CLCNKB: variants seen among roughly 807,000 people sequenced by gnomAD.
CLCNKB encodes chloride voltage-gated channel Kb, also known as chloride channel protein ClC-Kb.
Under a neutral mutation model 83.8 loss-of-function variants are expected in CLCNKB, and 74 were observed. The observed-to-expected ratio is 0.88, with a 90% CI of 0.73 to 1.07. The LOEUF (loss-of-function observed/expected upper bound fraction) is 1.07, where lower values mean the gene tolerates loss of function less well. Ranked by LOEUF, CLCNKB falls within the 50% of genes least tolerant of loss-of-function variation. CLCNKB has a pLI of 0.00. For missense variants in CLCNKB, 798 were observed against 893.6 expected (o/e 0.89, Z 1.36); for synonymous variants, 358 against 356.6 (o/e 1.00, Z -0.04).
chr1:16,048,867 C>T (rs932723861), intron 7 of CLCNKB: 81 of 1,442,110 alleles, frequency 5.6e-5, no homozygotes, highest in Non-Finnish European at 6.3e-6. Context: ...TCCTCCTCTA[C>T]AAAATGGAGA....
Position 16,049,229 on chromosome 1 carries a change from C to G in CLCNKB, c.765C>G (p.Val255=), listed in dbSNP as rs761326447. ...CGAFMFRLLA[V]FNSEQETITS... ...CCTTCATGTTCCGGCTCCTGGCGGT[C>G]TTCAACAGCGAGCAGGGTGAGCCCC... Residue 255 remains valine, a synonymous_variant, in exon 8 of 20, where the codon GTC becomes GTG. Transcript: ENST00000375679. The G allele has an allele frequency of 8.7e-6, 14 of 1,613,862 alleles. No individual in the cohort carries two copies. The highest frequency in any genetic ancestry group is 1.1e-5 in the Non-Finnish European group (13 of 1,179,946).
At chr1:16,046,067 G>A (rs980497123) in intron 3 of CLCNKB, among the ~76,000 whole-genome samples, 8 of 152,186 alleles carry the variant, frequency 5.3e-5, no homozygotes, top group Non-Finnish European at 4.4e-5. Flanking sequence ...TCAGCAGCCT[G>A]CCTCCACCCT....
Position 16,051,704 on chromosome 1 carries a change from G to A in CLCNKB, c.1298-6G>A, listed in dbSNP as rs369329893. The stretch of plus-strand genomic sequence containing the variant: ...TGGCTCCCCCTCACCCTAAGTCTGT[G>A]GCCAGGAGCTGCTATCGGGCGCCTC... On this transcript the variant is annotated splice_polypyrimidine_tract_variant and splice_region_variant and intron_variant, in intron 13 of 19. Transcript: ENST00000375679. 3 of 1,613,176 alleles carry A rather than the reference G, an allele frequency of 1.9e-6. No homozygotes were observed. In the African/African-American group the frequency reaches 4.0e-5, roughly 22 times the overall value.
rs761448093 is a variant in CLCNKB at position 16,047,897 on chromosome 1, C to A, written c.359-8C>A. The A allele has an allele frequency of 2.5e-6, 4 of 1,613,398 alleles. 1 individual carries two copies. Among genetic ancestry groups the A allele is most frequent in the South Asian group, 1.1e-5 (1 of 91,044 alleles). On this transcript the variant is annotated splice_region_variant and splice_polypyrimidine_tract_variant and intron_variant, in intron 4 of 19. Coordinates refer to ENST00000375679, the MANE Select transcript of CLCNKB (RefSeq NM_000085.5). Reference sequence around the variant, plus strand: ...GTCCCCCTCCTGGCCCTGCCCACCCCCGCCAAGGTTCTGGAATCCCGGAGG... The same window carrying A: ...GTCCCCCTCCTGGCCCTGCCCACCCACGCCAAGGTTCTGGAATCCCGGAGG...
At chr1:16,046,055 C>T (rs1032656432) in intron 3 of CLCNKB, among the ~76,000 whole-genome samples, 1 of 152,234 alleles carries the variant, frequency 6.6e-6, no homozygotes, top group Admixed American at 6.5e-5. Flanking sequence ...CCACCCCATC[C>T]CTCAGCAGCC....
At chr1:16,054,967 C>G (rs1360311397) in intron 16 of CLCNKB, among the ~76,000 whole-genome samples, 1 of 152,204 alleles carries the variant, frequency 6.6e-6, no homozygotes, top group Non-Finnish European at 1.5e-5. Flanking sequence ...CATTGATGCC[C>G]CAGGGCCAGA....
At position 16,045,561 on chromosome 1, in the gene CLCNKB, GC is replaced by G; in HGVS notation, c.106del (p.Leu36TrpfsTer4). The G allele has an allele frequency of 1.2e-6, 2 of 1,613,606 alleles. No homozygotes were observed. The highest frequency in any genetic ancestry group is 1.7e-6 in the Non-Finnish European group (2 of 1,179,630). ...GTGACCCCATGCCCTGCCCCAGGTG[GC>G]CTGGAGTGGCTGAAGCAGAAGCTCT... is the stretch of plus-strand genomic sequence containing the variant. ...CPRIRRGIRG[G>X]LEWLKQKLFR... On this transcript the variant is annotated frameshift_variant, in exon 3 of 20. Transcript: ENST00000375679. LOFTEE classifies it high-confidence loss of function.
rs1283724661 is a variant in CLCNKB, at chr1:16,052,179, C to T, written c.1409-19C>T. The T allele has an allele frequency of 1.2e-6, 2 of 1,612,556 alleles. No homozygotes were observed. Among genetic ancestry groups the T allele is most frequent in the Non-Finnish European group, 1.7e-6 (2 of 1,179,856 alleles). Reference sequence around the variant, plus strand: ...CTGGCCCCTGGCCTGAGCTGCCCTGCCTGACTCTGCCCTTGCAGGGGCTGC... The same window carrying T: ...CTGGCCCCTGGCCTGAGCTGCCCTGTCTGACTCTGCCCTTGCAGGGGCTGC... On this transcript the variant is annotated intron_variant, in intron 14 of 19. Transcript: ENST00000375679.
chr1:16,053,516 G>A lies in CLCNKB; in HGVS notation c.1623-123G>A, dbSNP rs113492877. ...AGTCCCTCATTCCAGGAACCTCTCC[G>A]GCCCTGCCCACACTCCAGAGCCGTG... On this transcript the variant is annotated intron_variant, in intron 15 of 19. Coordinates refer to ENST00000375679, the MANE Select transcript of CLCNKB (RefSeq NM_000085.5). 742 of 1,417,398 alleles carry A rather than the reference G, an allele frequency of 5.2e-4. 3 individuals carry two copies. In the African/African-American group the frequency reaches 8.7e-3, roughly 17 times the overall value. The allele number at this position is 1,417,398 out of a possible 1,614,324, so 87.8% of individuals were successfully genotyped here. A position where few individuals can be genotyped will look rare whatever the true frequency, so the allele number is the denominator to read the frequency against.
rs2023451118 is a variant in CLCNKB, at chr1:16,056,635, T to C, written c.2016+127T>C. 33 of 1,127,384 alleles carry C rather than the reference T, an allele frequency of 2.9e-5. No homozygotes were observed. The South Asian group carries it at 4.3e-4, about 15-fold the overall frequency. The allele number at this position is 1,127,384 out of a possible 1,614,324, so 69.8% of individuals were successfully genotyped here. On this transcript the variant is annotated intron_variant, in intron 19 of 19. Transcript: ENST00000375679. ...AAACCTGGGGGGATTCAGAGGATAC[T>C]GATGAGTCCCTCTTCTTGGCCCAGA...
chr1:16,048,961 G>A, intron 7 of CLCNKB, 159 bp from the exon 8 acceptor site: 1 of 1,521,720 alleles, frequency 6.6e-7, no homozygotes, highest in Non-Finnish European at 8.8e-7. Flanking sequence ...GCTCCTCCCC[G>A]CCCAGGGCGC....
chr1:16,048,951 G>T lies in CLCNKB; in HGVS notation c.656-169G>T. ...GGCTGGACGGGTCTCTGGGCAGCGG[G>T]CTCCTCCCCGCCCAGGGCGCATGCC... On this transcript the variant is annotated intron_variant, in intron 7 of 19. Transcript: ENST00000375679. 4 of 1,497,614 alleles carry T rather than the reference G, an allele frequency of 2.7e-6. No individual in the cohort carries two copies. In the South Asian group the frequency reaches 5.2e-5, roughly 20 times the overall value. The allele number at this position is 1,497,614 out of a possible 1,614,324, so 92.8% of individuals were successfully genotyped here.
rs1232703919 is a variant in CLCNKB, at chr1:16,055,901, C to A, written c.1929+143C>A. ...CCTGCTCCTCCTGGGCCAGTGTCCT[C>A]ATCAGCAGACTGGGCAAAGAAGCTC... On this transcript the variant is annotated intron_variant, in intron 18 of 19. Transcript: ENST00000375679. 4.5e-5 allele frequency: 35 copies of A among 769,886 alleles called. No homozygotes were observed. In the East Asian group the frequency reaches 8.6e-4, roughly 19 times the overall value. The allele number at this position is 769,886 out of a possible 1,614,324, so 47.7% of individuals were successfully genotyped here. A position where few individuals can be genotyped will look rare whatever the true frequency, so the allele number is the denominator to read the frequency against.
intron 2 of CLCNKB, among the ~76,000 whole-genome samples, chr1:16,044,803 C>A (rs2023049617): frequency 6.6e-6 from 1 of 152,210 alleles, no homozygotes; most frequent in Admixed American, 6.5e-5. Flanking sequence ...CTGCCCTCTG[C>A]CTTTCGGGAG....
intron 14 of CLCNKB, 128 bp downstream of exon 14, chr1:16,051,948 G>A (rs957355846): frequency 8.0e-6 from 7 of 879,056 alleles, no homozygotes; most frequent in African/African-American, 5.0e-5. Flanking sequence ...TACCCCTCAT[G>A]GGGGTCTGTC....
chr1:16,048,333 C>T lies in CLCNKB; in HGVS notation c.499-10C>T, dbSNP rs762210664. On this transcript the variant is annotated splice_polypyrimidine_tract_variant and intron_variant, in intron 5 of 19. Coordinates refer to ENST00000375679, the MANE Select transcript of CLCNKB (RefSeq NM_000085.5). ...TCACCTGGGCCCTGGGCCCACCCTT[C>T]TCTCTGCAGGGCCCTTTCGTGCACC... 1.2e-6 allele frequency: 2 copies of T among 1,613,956 alleles called. No individual in the cohort carries two copies. The highest frequency in any genetic ancestry group is 4.5e-5 in the East Asian group (2 of 44,858).
Position 16,053,695 on chromosome 1 carries a change from A to C in CLCNKB, c.1679A>C (p.Lys560Thr). 6.2e-7 allele frequency: 1 copy of C among 1,613,978 alleles called. No individual in the cohort carries two copies. The highest frequency in any genetic ancestry group is 8.5e-7 in the Non-Finnish European group (1 of 1,180,010). ...AACCACAGCATCACCACACTGGCCA[A>C]GGACATGCCACTGGAGGAGGTGGTC... ...FMNHSITTLA[K>T]DMPLEEVVKV... Residue 560 changes from lysine to threonine, a missense_variant, in exon 16 of 20, where the codon AAG becomes ACG. Lys to Thr is a moderately conservative substitution (Grantham distance 78, BLOSUM62 -1). Transcript: ENST00000375679.
At chr1:16,048,778 G>A in intron 7 of CLCNKB, 196 bp downstream of exon 7, 6 of 1,462,070 alleles carry the variant, frequency 4.1e-6, no homozygotes, top group Non-Finnish European at 5.4e-6. Flanking sequence ...GGTGCTAAGA[G>A]GCTTCAGTGT....
chr1:16,047,754 G>A (rs186448405), intron 4 of CLCNKB, 151 bp from the exon 5 acceptor site: 8 of 934,786 alleles, frequency 8.6e-6, no homozygotes, highest in Non-Finnish European at 1.3e-5. Context: ...GGCCAACAGA[G>A]CAAGATCTTG....
Sources: gnomAD v4.1 joint callset for allele counts (sites outside exome capture counted in the v4.1 genomes callset) on GRCh38, gnomAD v4.1.1 for gene constraint, MANE v1.5 for transcripts, NCBI Gene and HGNC (gene_info 2026-07-23, HGNC 2026-07-21) for gene names.